Variants in ARHGAP39 observed in about 807,000 individuals in gnomAD.
ARHGAP39 encodes the protein Rho GTPase activating protein 39, also known as rho GTPase-activating protein 39.
A neutral mutation model predicts 106.9 loss-of-function variants in ARHGAP39; 44 were observed. That is an observed-to-expected ratio of 0.41 (90% CI 0.32 to 0.53). The LOEUF (loss-of-function observed/expected upper bound fraction) is 0.53. Among genes scored for constraint, ARHGAP39 ranks in the 20% least tolerant of loss-of-function variants. ARHGAP39 has a pLI of 0.21. For synonymous variants in ARHGAP39, 768 were observed against 693.2 expected, an observed-to-expected ratio of 1.11 and a Z score of -1.69; for missense variants, 1,496 against 1,577.3, an observed-to-expected ratio of 0.95 and a Z score of 0.87.
intron 5 of ARHGAP39, among the ~76,000 whole-genome samples, chr8:144,546,178 G>A (rs1817413232): frequency 6.6e-6 from 1 of 152,182 alleles, no homozygotes; most frequent in African/African-American, 2.4e-5. Flanking sequence ...TTCAGGCACG[G>A]AAGGCTGCAG....
intron 6 of ARHGAP39, among the ~76,000 whole-genome samples, chr8:144,540,890 T>C (rs1361923356): frequency 6.6e-6 from 1 of 152,228 alleles, no homozygotes; most frequent in East Asian, 1.9e-4. Context: ...CTTGCTCTGT[T>C]GCCCAGGCTA....
In ARHGAP39 at chr8:144,644,779, T is replaced by G. The variant is rs1473654377; in HGVS notation, c.-81-39084A>C. ...CAGCACCAGGTGTCTGCACAGCTCT[T>G]GGCTGCACCTGCACTCTGAGTCATT... On this transcript the variant is annotated intron_variant, in intron 1 of 11. Transcript: ENST00000377307. The surrounding 1 kb of genome is among the most constrained non-coding windows in gnomAD (Gnocchi z 4.8). Among the ~76,000 whole-genome samples the G allele has an allele frequency of 6.6e-6, 1 of 152,206 alleles. No homozygotes were observed. The highest frequency in any genetic ancestry group is 1.5e-5 in the Non-Finnish European group (1 of 68,038).
chr8:144,591,635 G>A lies in ARHGAP39; in HGVS notation c.81-10358C>T, dbSNP rs561204131. ...AGGGTGCGTGCCAGAAGAGAGGCGAGGGGTGGGGGAGCAGAGGCGAGGAAG... is the reference window on the plus strand; with the variant it reads ...AGGGTGCGTGCCAGAAGAGAGGCGAAGGGTGGGGGAGCAGAGGCGAGGAAG... On this transcript the variant is annotated intron_variant, in intron 2 of 11. Transcript: ENST00000377307. This position sits in a 1 kb window ranked among gnomAD's most constrained non-coding sequence, Gnocchi z 5.3. 4.5e-4 allele frequency among the ~76,000 whole-genome samples: 68 copies of A among 152,298 alleles called. No homozygotes were observed. The highest frequency in any genetic ancestry group is 8.1e-4 in the Non-Finnish European group (55 of 68,014).
chr8:144,600,948 G>A (rs896055623), intron 2 of ARHGAP39, among the ~76,000 whole-genome samples: 1 of 147,508 alleles, frequency 6.8e-6, no homozygotes, highest in Non-Finnish European at 1.5e-5. Context: ...AGGCATGTGT[G>A]TGCTCGTATA....
chr8:144,665,226 G>A (rs1456833220), intron 1 of ARHGAP39, among the ~76,000 whole-genome samples: 4 of 152,218 alleles, frequency 2.6e-5, no homozygotes, highest in African/African-American at 9.7e-5. Flanking sequence ...TCTGGCAGAA[G>A]AAATCTCTAA....
rs1421556477 is a variant in ARHGAP39 at position 144,647,561 on chromosome 8, A to T, written c.-82+38125T>A. 1.3e-5 allele frequency among the ~76,000 whole-genome samples: 2 copies of T among 152,268 alleles called. No homozygotes were observed. Among genetic ancestry groups the T allele is most frequent in the Non-Finnish European group, 2.9e-5 (2 of 68,050 alleles). On this transcript the variant is annotated intron_variant, in intron 1 of 11. Transcript: ENST00000377307. This position sits in a 1 kb window ranked among gnomAD's most constrained non-coding sequence, Gnocchi z 4.8. The stretch of plus-strand genomic sequence containing the variant: ...ACTGCTGTCAGCCACGCCTGAACAG[A>T]GACTCTCATTCTTCCTGAGGAAATG...
chr8:144,589,025 T>C (rs1819289652), intron 2 of ARHGAP39, among the ~76,000 whole-genome samples: 1 of 151,964 alleles, frequency 6.6e-6, no homozygotes, highest in Non-Finnish European at 1.5e-5. Context: ...AAAAAGGAAA[T>C]CAGGTGCAAA....
chr8:144,561,559 C>T (rs532482990), intron 3 of ARHGAP39, among the ~76,000 whole-genome samples: 18 of 146,872 alleles, frequency 1.2e-4, no homozygotes, highest in Middle Eastern at 3.5e-3. Flanking sequence ...CCAGTGGTTT[C>T]GATCGGACCC....
intron 1 of ARHGAP39, among the ~76,000 whole-genome samples, chr8:144,617,354 G>A (rs1380475863): frequency 1.3e-5 from 2 of 152,240 alleles, no homozygotes; most frequent in Non-Finnish European, 1.5e-5. Context: ...GACAAGCGGC[G>A]CAGCACCAGC....
chr8:144,573,664 G>A (rs1337794927), intron 3 of ARHGAP39, among the ~76,000 whole-genome samples: 1 of 152,094 alleles, frequency 6.6e-6, no homozygotes, highest in Non-Finnish European at 1.5e-5. Context: ...ATTAACATAT[G>A]CAGAACTCTG....
upstream of ARHGAP39, among the ~76,000 whole-genome samples, chr8:144,689,242 T>TA (rs1563740307): frequency 6.6e-6 from 1 of 151,838 alleles, no homozygotes; most frequent in East Asian, 1.9e-4. Context: ...TTTTTTTTTT[T>TA]ACAAATATTT....
chr8:144,642,176 A>C (rs1292763333), intron 1 of ARHGAP39, among the ~76,000 whole-genome samples: 3 of 152,298 alleles, frequency 2.0e-5, no homozygotes, highest in South Asian at 2.1e-4. Context: ...CTCTATTAAA[A>C]ATCAAAACAA....
rs924469581 is a variant in ARHGAP39, at chr8:144,585,621, C to T, written c.81-4344G>A. Among the ~76,000 whole-genome samples, 1 of 152,166 alleles carries T rather than the reference C, an allele frequency of 6.6e-6. No homozygotes were observed. Among genetic ancestry groups the T allele is most frequent in the Non-Finnish European group, 1.5e-5 (1 of 68,010 alleles). ...GACACCAACATGGTGCACCTCGAAC[C>T]CCCACAGCTCAGCACTCTAGGGAGA... On this transcript the variant is annotated intron_variant, in intron 2 of 11. Coordinates refer to ENST00000377307, the MANE Select transcript of ARHGAP39 (RefSeq NM_025251.3). The surrounding 1 kb of genome is among the most constrained non-coding windows in gnomAD (Gnocchi z 4.6).
intron 2 of ARHGAP39, among the ~76,000 whole-genome samples, chr8:144,584,443 T>C (rs1164686910): frequency 6.7e-6 from 1 of 150,018 alleles, no homozygotes; most frequent in Non-Finnish European, 1.5e-5. Context: ...GTTTCCTCAG[T>C]GATGGACAAT....
chr8:144,617,958 T>A lies in ARHGAP39; in HGVS notation c.-81-12263A>T, dbSNP rs796741176. Among the ~76,000 whole-genome samples, 5 of 152,170 alleles carry A rather than the reference T, an allele frequency of 3.3e-5. No homozygotes were observed. The South Asian group carries it at 1.0e-3, about 32-fold the overall frequency. Reference sequence around the variant, plus strand: ...CACCACGCCCAGCTAATTTTTGTATTTTTTCTAGAGATGGGGTCTCTCTAT... The same window carrying A: ...CACCACGCCCAGCTAATTTTTGTATATTTTCTAGAGATGGGGTCTCTCTAT... On this transcript the variant is annotated intron_variant, in intron 1 of 11. Coordinates refer to ENST00000377307, the MANE Select transcript of ARHGAP39 (RefSeq NM_025251.3).
intron 1 of ARHGAP39, among the ~76,000 whole-genome samples, chr8:144,631,735 G>A (rs1040379929): frequency 3.9e-5 from 6 of 152,208 alleles, no homozygotes; most frequent in Non-Finnish European, 5.9e-5. Context: ...AGAGGGAAAG[G>A]CCTGGCCGCC....
At chr8:144,562,403 C>A (rs1489059779) in intron 3 of ARHGAP39, among the ~76,000 whole-genome samples, 1 of 151,802 alleles carries the variant, frequency 6.6e-6, no homozygotes, top group Non-Finnish European at 1.5e-5. Flanking sequence ...TGGTTTCCAT[C>A]GCGCTCCAGT....
the ARHGAP39 span, among the ~76,000 whole-genome samples, chr8:144,694,839 G>T: frequency 6.6e-6 from 1 of 152,262 alleles, no homozygotes; most frequent in South Asian, 2.1e-4. Context: ...CATAAGGAGG[G>T]ACACTGCAAG....
At position 144,530,795 on chromosome 8, in the gene ARHGAP39, CGCGAT is replaced by C; in HGVS notation, c.3052_3056del (p.Ile1018AlafsTer152). The C allele has an allele frequency of 6.2e-7, 1 of 1,611,884 alleles. No homozygotes were observed. The highest frequency in any genetic ancestry group is 8.5e-7 in the Non-Finnish European group (1 of 1,179,682). ...CCGCCGCCTCGGGGCTGTCGTAGTG[CGCGAT>C]GCACTGCTCGTAGAACTCGTGCGGG... On this transcript the variant is annotated frameshift_variant, in exon 11 of 12. Coordinates refer to ENST00000377307, the MANE Select transcript of ARHGAP39 (RefSeq NM_025251.3). LOFTEE classifies it high-confidence loss of function.
Sources: allele counts gnomAD v4.1 joint callset (sites outside exome capture counted in the v4.1 genomes callset), GRCh38; gene constraint gnomAD v4.1.1; non-coding constraint Gnocchi (gnomAD v3.1); transcripts MANE v1.5; gene names NCBI Gene and HGNC (gene_info 2026-07-23, HGNC 2026-07-21).